The following HPSE2 variants were observed in gnomAD, a reference collection of about 807,000 sequenced individuals.
The protein encoded by HPSE2 is inactive heparanase-2.
HPSE2 carries 38 observed loss-of-function variants against 60.5 expected under a neutral mutation model. The ratio of observed to expected loss-of-function variants is 0.63; its 90% CI spans 0.48 to 0.82. The LOEUF is 0.82. Among genes scored for constraint, HPSE2 ranks in the 40% least tolerant of loss-of-function variants. The pLI, the probability that HPSE2 is intolerant of heterozygous loss-of-function variation, is 0.00. For synonymous variants in HPSE2, 295 were observed against 293.2 expected, an observed-to-expected ratio of 1.01 and a Z score of -0.06; for missense variants, 713 against 740.4, an observed-to-expected ratio of 0.96 and a Z score of 0.43.
chr10:98,569,775 C>A (rs1944444728), intron 9 of HPSE2, among the ~76,000 whole-genome samples: 1 of 152,118 alleles, frequency 6.6e-6, no homozygotes, highest in African/African-American at 2.4e-5. Flanking sequence ...CAATACCACT[C>A]CTAGGATCTC....
At chr10:98,555,823 G>A (rs1943992609) in intron 9 of HPSE2, among the ~76,000 whole-genome samples, 1 of 152,162 alleles carries the variant, frequency 6.6e-6, no homozygotes, top group South Asian at 2.1e-4. Context: ...GCCTTAAGAA[G>A]AAGGCCATTA....
At chr10:99,189,141 C>G (rs1032830107) in intron 2 of HPSE2, among the ~76,000 whole-genome samples, 1 of 152,158 alleles carries the variant, frequency 6.6e-6, no homozygotes, top group African/African-American at 2.4e-5. Flanking sequence ...ATTAACTCAT[C>G]CAGACAAACT....
intron 2 of HPSE2, among the ~76,000 whole-genome samples, chr10:99,165,194 C>T (rs1194656048): frequency 6.6e-6 from 1 of 151,356 alleles, no homozygotes; most frequent in Non-Finnish European, 1.5e-5. Context: ...TGCTTATTTG[C>T]TCAACACTAA....
chr10:98,814,145 A>ATTTTATGTAAATT (rs1394848367), intron 3 of HPSE2, among the ~76,000 whole-genome samples: 2 of 152,152 alleles, frequency 1.3e-5, no homozygotes, highest in African/African-American at 4.8e-5. Context: ...TAATAAAATC[A>ATTTTATGTAAATT]TTTTATGTAA....
At chr10:98,934,414 T>C (rs530678079) in intron 3 of HPSE2, among the ~76,000 whole-genome samples, 4 of 144,786 alleles carry the variant, frequency 2.8e-5, no homozygotes, top group Non-Finnish European at 5.9e-5. Flanking sequence ...TGGCTAGTAA[T>C]GGTTTTTCTT....
At chr10:98,766,588 G>A (rs1244813462) in intron 3 of HPSE2, among the ~76,000 whole-genome samples, 1 of 152,050 alleles carries the variant, frequency 6.6e-6, no homozygotes, top group Non-Finnish European at 1.5e-5. Context: ...ACACAACCAA[G>A]TGGAGTTTAT....
At chr10:98,830,345 T>C (rs1489449910) in intron 3 of HPSE2, among the ~76,000 whole-genome samples, 1 of 151,942 alleles carries the variant, frequency 6.6e-6, no homozygotes, top group African/African-American at 2.4e-5. Context: ...GAGGAAAAGA[T>C]GAAGAAAGGA....
Position 98,748,319 on chromosome 10 carries a change from T to A in HPSE2, c.611-4263A>T, listed in dbSNP as rs527692455. Reference sequence around the variant, plus strand: ...AAAATCCGTCTCAAAAAATAATAATTATTGCTAATCTAAGACATATGTTCT... The same window carrying A: ...AAAATCCGTCTCAAAAAATAATAATAATTGCTAATCTAAGACATATGTTCT... On this transcript the variant is annotated intron_variant, in intron 3 of 11. Transcript: ENST00000370552. Among the ~76,000 whole-genome samples the A allele has an allele frequency of 1.5e-3, 235 of 152,166 alleles. 1 individual carries two copies. The highest frequency in any genetic ancestry group is 2.5e-3 in the Non-Finnish European group (171 of 67,980).
chr10:99,272,554 A>G, the HPSE2 span, among the ~76,000 whole-genome samples: 1 of 152,188 alleles, frequency 6.6e-6, no homozygotes, highest in Non-Finnish European at 1.5e-5. Context: ...TCCGGAATCT[A>G]TAAGGAACTT....
chr10:99,181,793 G>C (rs1319674852), intron 2 of HPSE2, among the ~76,000 whole-genome samples: 1 of 152,012 alleles, frequency 6.6e-6, no homozygotes, highest in Non-Finnish European at 1.5e-5. Context: ...CAGGTTGATG[G>C]GTGCAGCAAA....
At chr10:98,807,801 T>A (rs542332080) in intron 3 of HPSE2, among the ~76,000 whole-genome samples, 1 of 152,206 alleles carries the variant, frequency 6.6e-6, no homozygotes, top group Non-Finnish European at 1.5e-5. Flanking sequence ...AAAATAATTA[T>A]AAAAGAAATA....
chr10:98,883,922 G>T (rs922983593), intron 3 of HPSE2, among the ~76,000 whole-genome samples: 1 of 152,124 alleles, frequency 6.6e-6, no homozygotes, highest in Admixed American at 6.6e-5. Flanking sequence ...AGTGAGAAAG[G>T]CATGTCTAAA....
At chr10:98,721,265 C>T (rs1565108334) in intron 5 of HPSE2, among the ~76,000 whole-genome samples, 1 of 151,948 alleles carries the variant, frequency 6.6e-6, no homozygotes. Flanking sequence ...TTTAACCCAG[C>T]TTTGCTGGCC....
At chr10:98,760,981 G>A (rs1294620071) in intron 3 of HPSE2, among the ~76,000 whole-genome samples, 1 of 152,014 alleles carries the variant, frequency 6.6e-6, no homozygotes, top group Non-Finnish European at 1.5e-5. Context: ...TTTGACAACT[G>A]AGAATCTTAC....
At chr10:99,111,771 C>T (rs1844472049) in intron 3 of HPSE2, among the ~76,000 whole-genome samples, 1 of 152,182 alleles carries the variant, frequency 6.6e-6, no homozygotes, top group African/African-American at 2.4e-5. Flanking sequence ...CAGATGCTAA[C>T]CAGAATTTTA....
chr10:99,071,223 C>A (rs934888211), intron 3 of HPSE2, among the ~76,000 whole-genome samples: 9 of 151,982 alleles, frequency 5.9e-5, no homozygotes, highest in African/African-American at 2.2e-4. Context: ...GCACCCACCA[C>A]CACGCCCAGC....
In HPSE2 at chr10:99,229,912, T is replaced by C. The variant is rs78884101; in HGVS notation, c.448+2436A>G. ...GAAAAGGGACAACAGAAGCATAATG[T>C]TTTCAAAATTGCTGAGACTATACCA... On this transcript the variant is annotated intron_variant, in intron 2 of 11. Coordinates refer to ENST00000370552, the MANE Select transcript of HPSE2 (RefSeq NM_021828.5). 1.4e-3 allele frequency among the ~76,000 whole-genome samples: 216 copies of C among 152,280 alleles called. 3 individuals carry two copies. The highest frequency in any genetic ancestry group is 4.9e-3 in the African/African-American group (204 of 41,562).
chr10:99,238,301 G>C (rs1310815157), upstream of HPSE2, among the ~76,000 whole-genome samples: 1 of 152,078 alleles, frequency 6.6e-6, no homozygotes, highest in Non-Finnish European at 1.5e-5. Context: ...ACCTATTCTT[G>C]TGACCAAGAA....
intron 3 of HPSE2, among the ~76,000 whole-genome samples, chr10:99,015,863 A>T (rs1051913235): frequency 6.6e-6 from 1 of 152,200 alleles, no homozygotes. Context: ...GTTTCTGTTC[A>T]CTTCCTTTGC....
Sources: gnomAD v4.1 joint callset for allele counts (sites outside exome capture counted in the v4.1 genomes callset) on GRCh38, gnomAD v4.1.1 for gene constraint, MANE v1.5 for transcripts, NCBI Gene and HGNC (gene_info 2026-07-23, HGNC 2026-07-21) for gene names.